ADAM32: variants seen among roughly 807,000 people sequenced by gnomAD.
The protein encoded by ADAM32 is ADAM metallopeptidase domain 32, also known as disintegrin and metalloproteinase domain-containing protein 32.
In ADAM32, 89 loss-of-function variants were observed where a neutral mutation model predicts 114.9. The ratio of observed to expected loss-of-function variants is 0.77; its 90% CI spans 0.65 to 0.92. ADAM32 has a LOEUF of 0.92. Ranked by LOEUF, ADAM32 falls within the 40% of genes least tolerant of loss-of-function variation. The pLI is 0.00. For missense variants in ADAM32, 870 were observed against 932.8 expected (o/e 0.93, Z 0.88); for synonymous variants, 285 against 307.5 (o/e 0.93, Z 0.77).
intron 3 of ADAM32, among the ~76,000 whole-genome samples, chr8:39,142,805 C>A (rs1309391120): frequency 6.6e-6 from 1 of 152,206 alleles, no homozygotes; most frequent in Non-Finnish European, 1.5e-5. Context: ...TGTATTCTAT[C>A]TTGGTTCCAT....
chr8:39,223,157 T>C lies in ADAM32; in HGVS notation c.1444T>C (p.Ser482Pro), dbSNP rs780706629. ...TGACATAACTTTAATCAATGGACTT[T>C]CATGCAAAAATAATAAGTTTATTTG... is the stretch of plus-strand genomic sequence containing the variant. ...GPDITLINGL[S>P]CKNNKFICYD... Residue 482 changes from serine (S) to proline (P), a missense_variant, in exon 14 of 25, where the codon TCA (serine) becomes CCA (proline). By Grantham distance (74) the Ser-to-Pro change is moderately conservative. Transcript: ENST00000379907. The C allele has an allele frequency of 1.2e-6, 2 of 1,600,242 alleles. No homozygotes were observed. Among genetic ancestry groups the C allele is most frequent in the Non-Finnish European group, 1.7e-6 (2 of 1,173,616 alleles).
chr8:39,133,073 G>T (rs1588489819), intron 2 of ADAM32, among the ~76,000 whole-genome samples: 1 of 151,842 alleles, frequency 6.6e-6, no homozygotes, highest in African/African-American at 2.4e-5. Flanking sequence ...TGCTATTGTT[G>T]GGATGTTTGT....
At chr8:39,153,329 G>A (rs756632178) in intron 6 of ADAM32, among the ~76,000 whole-genome samples, 9 of 152,158 alleles carry the variant, frequency 5.9e-5, no homozygotes, top group East Asian at 1.9e-4. Flanking sequence ...CCAGTGTAGC[G>A]AACAATGTCA....
In ADAM32 at chr8:39,200,017, A is replaced by G. The variant is rs1021204422; in HGVS notation, c.1053-11127A>G. ...GTGCCACATTTTCTTAATCCACTCT[A>G]TCACTGATGGACATTTGGGTTGGTT... On this transcript the variant is annotated intron_variant, in intron 11 of 24. Coordinates refer to ENST00000379907, the MANE Select transcript of ADAM32 (RefSeq NM_145004.7). Among the ~76,000 whole-genome samples, 17 of 152,274 alleles carry G rather than the reference A, an allele frequency of 1.1e-4. 1 individual carries two copies. Among genetic ancestry groups the G allele is most frequent in the Admixed American group, 4.6e-4 (7 of 15,296 alleles).
chr8:39,216,122 T>C (rs917180012), intron 12 of ADAM32, among the ~76,000 whole-genome samples: 2 of 152,074 alleles, frequency 1.3e-5, no homozygotes, highest in Admixed American at 1.3e-4. Flanking sequence ...TATATACTCT[T>C]GCTGAAATGA....
At chr8:39,255,660 C>T (rs1281696385) in intron 18 of ADAM32, among the ~76,000 whole-genome samples, 1 of 152,052 alleles carries the variant, frequency 6.6e-6, no homozygotes, top group Non-Finnish European at 1.5e-5. Flanking sequence ...TGAAGATTTC[C>T]TCCCACTCTG....
intron 2 of ADAM32, among the ~76,000 whole-genome samples, chr8:39,121,579 C>T (rs1840593075): frequency 6.6e-6 from 1 of 152,118 alleles, no homozygotes; most frequent in Non-Finnish European, 1.5e-5. Flanking sequence ...TGCACATGTA[C>T]TCCAGAACTT....
intron 23 of ADAM32, among the ~76,000 whole-genome samples, chr8:39,281,541 A>C (rs1198845889): frequency 6.6e-6 from 1 of 152,224 alleles, no homozygotes; most frequent in African/African-American, 2.4e-5. Flanking sequence ...GGTTGCATTT[A>C]CACCCCCAAA....
chr8:39,248,017 G>C (rs959327865), intron 17 of ADAM32, among the ~76,000 whole-genome samples: 4 of 151,958 alleles, frequency 2.6e-5, no homozygotes, highest in Non-Finnish European at 4.4e-5. Context: ...TTTGTCAGTT[G>C]CTGGGCTCCT....
In ADAM32 at chr8:39,160,956, C is replaced by CA; in HGVS notation, c.589dup (p.Thr197AsnfsTer4). On this transcript the variant is annotated frameshift_variant, in exon 7 of 25. Coordinates refer to ENST00000379907, the MANE Select transcript of ADAM32 (RefSeq NM_145004.7). LOFTEE classifies it high-confidence loss of function. ...ATCTAGAAATGCATATTGTGGTGGA[C>CA]AAAACTTTGGTATGTGTTTTGCTTT... 1 of 1,591,306 alleles carries CA rather than the reference C, an allele frequency of 6.3e-7. No individual in the cohort carries two copies. The highest frequency in any genetic ancestry group is 1.3e-5 in the African/African-American group (1 of 74,578).
At chr8:39,168,899 T>C (rs1805020486) in intron 9 of ADAM32, 1 of 151,976 alleles carries the variant, frequency 6.6e-6, no homozygotes, top group Non-Finnish European at 1.5e-5. Flanking sequence ...TTAGGGGAAG[T>C]CTAAGTTGTA....
intron 7 of ADAM32, among the ~76,000 whole-genome samples, 193 bp downstream of exon 7, chr8:39,161,158 A>G (rs573126392): frequency 1.3e-5 from 2 of 152,366 alleles, no homozygotes; most frequent in Non-Finnish European, 2.9e-5. Flanking sequence ...TTTTATTTGA[A>G]ATACTTACAC....
intron 12 of ADAM32, 129 bp downstream of exon 12, chr8:39,211,453 A>G: frequency 1.1e-6 from 1 of 904,722 alleles, no homozygotes; most frequent in Non-Finnish European, 1.5e-6. Flanking sequence ...AGTTGGGTCG[A>G]AATACATACA....
intron 10 of ADAM32, among the ~76,000 whole-genome samples, chr8:39,175,926 C>T (rs1457827890): frequency 6.6e-6 from 1 of 152,094 alleles, no homozygotes; most frequent in Non-Finnish European, 1.5e-5. Flanking sequence ...TGTTATGTGT[C>T]CAGGAATTTA....
rs1219603703 is a variant in ADAM32 at position 39,211,324 on chromosome 8, T to C, written c.1233T>C (p.Ala411=). Residue 411 remains alanine (A), a splice_region_variant and synonymous_variant, in exon 12 of 25, where the codon GCT becomes GCC. Transcript: ENST00000379907. ...AAATCTGTGATTGTGGTACTGAGGC[T>C]GTAAGTATGATAACTAGGAAAATTG... ...GNEICDCGTE[A]QCGPASCCDF... is the part of the protein sequence containing the mutation. The C allele has an allele frequency of 3.3e-6, 5 of 1,497,760 alleles. No homozygotes were observed. The highest frequency in any genetic ancestry group is 1.4e-5 in the African/African-American group (1 of 69,854). 92.8% of individuals were successfully genotyped at this position (1,497,760 alleles called of 1,614,324 possible).
At chr8:39,127,786 A>T (rs1455114584) in intron 2 of ADAM32, among the ~76,000 whole-genome samples, 1 of 152,024 alleles carries the variant, frequency 6.6e-6, no homozygotes, top group Non-Finnish European at 1.5e-5. Flanking sequence ...TTAACTTGAG[A>T]TCTTTCTAGC....
At chr8:39,259,721 C>T (rs1811897527) in intron 19 of ADAM32, among the ~76,000 whole-genome samples, 1 of 152,074 alleles carries the variant, frequency 6.6e-6, no homozygotes, top group South Asian at 2.1e-4. Context: ...GTATATTTCC[C>T]AGTCTTACTC....
At chr8:39,198,224 T>C (rs1807144095) in intron 11 of ADAM32, among the ~76,000 whole-genome samples, 1 of 152,184 alleles carries the variant, frequency 6.6e-6, no homozygotes, top group South Asian at 2.1e-4. Context: ...TGAGTTTTTA[T>C]AGGCAGCATA....
intron 3 of ADAM32, 134 bp downstream of exon 3, chr8:39,136,852 C>T (rs1802837072): frequency 3.2e-6 from 2 of 630,856 alleles, no homozygotes; most frequent in South Asian, 2.7e-5. Context: ...GAGATGCTGT[C>T]CTGTGACTTA....
Sources: allele counts gnomAD v4.1 joint callset (sites outside exome capture counted in the v4.1 genomes callset), GRCh38; gene constraint gnomAD v4.1.1; transcripts MANE v1.5; gene names NCBI Gene and HGNC (gene_info 2026-07-23, HGNC 2026-07-21).